The following MUC5AC variants were observed in gnomAD, a reference collection of about 807,000 sequenced individuals.
The protein encoded by MUC5AC is mucin 5AC, oligomeric mucus/gel-forming, also known as mucin-5AC.
A neutral mutation model predicts 169.7 loss-of-function variants in MUC5AC; 158 were observed. The ratio of observed to expected loss-of-function variants is 0.93; its 90% confidence interval spans 0.82 to 1.06. The LOEUF is 1.06. Ranked by LOEUF, MUC5AC falls within the 50% of genes least tolerant of loss-of-function variation. The probability of loss-of-function intolerance (pLI) is 0.00; values close to 1 mark genes in which losing one functional copy is unlikely to be tolerated. For missense variants in MUC5AC, 4,359 were observed against 3,089.9 expected (o/e 1.41, Z -9.74); for synonymous variants, 1,975 against 1,237.0 (o/e 1.60, Z -12.52).
Position 1,200,562 on chromosome 11 carries a change from G to A in MUC5AC, c.16825G>A (p.Val5609Met), listed in dbSNP as rs745636894. The A allele has an allele frequency of 1.8e-5, 14 of 764,556 alleles. No individual in the cohort carries two copies. Among genetic ancestry groups the A allele is most frequent in the South Asian group, 1.6e-4 (12 of 74,578 alleles). 47.4% of individuals were successfully genotyped at this position (764,556 alleles called of 1,614,324 possible). A position where few individuals can be genotyped will look rare whatever the true frequency, so the allele number is the denominator to read the frequency against. ...GSSRAFSYTE[V>M]EECGCMGRRC... The stretch of plus-strand genomic sequence containing the variant: ...CAGCCGGGCCTTCAGCTACACCGAG[G>A]TGGAAGAGTGCGGCTGCATGGGCCG... Residue 5609 changes from valine to methionine, a missense_variant, in exon 49 of 49, where the codon GTG (valine) becomes ATG (methionine). Coordinates refer to ENST00000621226, the MANE Select transcript of MUC5AC (RefSeq NM_001304359.2).
intron 44 of MUC5AC, 36 bp from the exon 45 acceptor site, chr11:1,199,051 G>A (rs778129654): frequency 2.8e-5 from 21 of 762,718 alleles, no homozygotes; most frequent in East Asian, 1.2e-4. Context: ...GGCAGCGGTC[G>A]CCTGGATTCC....
chr11:1,195,158 G>C lies in MUC5AC; in HGVS notation c.15337G>C (p.Gly5113Arg). ...GCCTCACCCGACGCCCACCACGGTCGGGCCCACCACAGTTGGGTCTACCAC... is the reference window on the plus strand; with the variant it reads ...GCCTCACCCGACGCCCACCACGGTCCGGCCCACCACAGTTGGGTCTACCAC... ...HRPHPTPTTV[G>R]PTTVGSTTVG... Residue 5113 changes from glycine to arginine, a missense_variant, in exon 36 of 49, where the codon GGG becomes CGG. Transcript: ENST00000621226. 2.6e-6 allele frequency: 2 copies of C among 761,134 alleles called. No individual in the cohort carries two copies. The highest frequency in any genetic ancestry group is 4.8e-6 in the Non-Finnish European group (2 of 415,972). 47.1% of individuals were successfully genotyped at this position (761,134 alleles called of 1,614,324 possible).
intron 19 of MUC5AC, among the ~76,000 whole-genome samples, chr11:1,175,716 TCACACACCCAC>T (rs1860660694): frequency 5.1e-5 from 3 of 58,732 alleles, no homozygotes; most frequent in Admixed American, 2.0e-4. Flanking sequence ...ATGCACACGC[TCACACACCCAC>T]TCATGCACAC....
In MUC5AC at chr11:1,190,074, A is replaced by G; in HGVS notation, c.11929A>G (p.Lys3977Glu). The G allele has an allele frequency of 1.3e-6, 1 of 764,116 alleles. No homozygotes were observed. The highest frequency in any genetic ancestry group is 2.4e-6 in the Non-Finnish European group (1 of 417,280). 47.3% of individuals were successfully genotyped at this position (764,116 alleles called of 1,614,324 possible). ...ATCCCCTGGACCCCACGGTGGGGAC[A>G]AGGAAACCTACAACAACATCATCAG... is the stretch of plus-strand genomic sequence containing the variant. ...FPSPGPHGGDKETYNNIIRSG... is the reference protein window; with the variant it reads ...FPSPGPHGGDEETYNNIIRSG... Residue 3977 changes from lysine to glutamate, a missense_variant, in exon 31 of 49, where the codon AAG (lysine) becomes GAG (glutamate). Coordinates refer to ENST00000621226, the MANE Select transcript of MUC5AC (RefSeq NM_001304359.2).
Position 1,157,960 on chromosome 11 carries a change from G to C in MUC5AC, c.-40G>C. The C allele has an allele frequency of 6.4e-7, 1 of 1,560,092 alleles. No homozygotes were observed. Among genetic ancestry groups the C allele is most frequent in the African/African-American group, 1.4e-5 (1 of 73,600 alleles). ...TGCCACCTTGGGTCCCTCCTCAGAG[G>C]CTGCTGAGGGACAGGGCACTCTTCC... On this transcript the variant is annotated 5_prime_UTR_variant, in exon 1 of 49. Coordinates refer to ENST00000621226, the MANE Select transcript of MUC5AC (RefSeq NM_001304359.2).
rs566193648 is a variant in MUC5AC, at chr11:1,193,617, G to A, written c.14713G>A (p.Val4905Met). ...TCANGYPAVK[V>M]ADQDGCCHHY... ...TGCCAACGGCTACCCGGCTGTGAAG[G>A]TGGCTGACCAAGATGGCTGCTGCCA... Residue 4905 changes from valine to methionine, a missense_variant, in exon 33 of 49, where the codon GTG (valine) becomes ATG (methionine). By Grantham distance (21) the Val-to-Met change is conservative. Coordinates refer to ENST00000621226, the MANE Select transcript of MUC5AC (RefSeq NM_001304359.2). 7.8e-6 allele frequency: 6 copies of A among 765,028 alleles called. No individual in the cohort carries two copies. Among genetic ancestry groups the A allele is most frequent in the African/African-American group, 1.7e-5 (1 of 59,288 alleles). 47.4% of individuals were successfully genotyped at this position (765,028 alleles called of 1,614,324 possible). A position where few individuals can be genotyped will look rare whatever the true frequency, so the allele number is the denominator to read the frequency against.
chr11:1,198,037 C>T (rs951206279), intron 42 of MUC5AC, 33 bp downstream of exon 42: 7 of 645,016 alleles, frequency 1.1e-5, no homozygotes, highest in South Asian at 1.7e-5. Context: ...TGTCAGGGGC[C>T]GTGGGCTGGG....
intron 1 of MUC5AC, among the ~76,000 whole-genome samples, chr11:1,159,762 G>A (rs539589955): frequency 4.6e-5 from 5 of 109,442 alleles, no homozygotes; most frequent in African/African-American, 1.7e-4. Context: ...CTCTATGCAG[G>A]GCTGTGCGGG....
chr11:1,168,345 G>A lies in MUC5AC; in HGVS notation c.1498-138G>A, dbSNP rs949334514. On this transcript the variant is annotated intron_variant, in intron 12 of 48. Transcript: ENST00000621226. ...TCGCAGAAAATTCAGAAAATCAGGCGAGCACAAGGCCACCTTGTAGGAGCC... is the reference window on the plus strand; with the variant it reads ...TCGCAGAAAATTCAGAAAATCAGGCAAGCACAAGGCCACCTTGTAGGAGCC... 2.7e-5 allele frequency: 21 copies of A among 792,254 alleles called. No individual in the cohort carries two copies. The Admixed American group carries it at 2.8e-4, about 10-fold the overall frequency. The allele number at this position is 792,254 out of a possible 1,614,324, so 49.1% of individuals were successfully genotyped here.
At chr11:1,193,810 G>T (rs886405522) in intron 33 of MUC5AC, among the ~76,000 whole-genome samples, 151 bp downstream of exon 33, 1 of 152,362 alleles carries the variant, frequency 6.6e-6, no homozygotes, top group East Asian at 1.9e-4. Flanking sequence ...AGGCGGGGCC[G>T]CATGGGGCCG....
rs775814452 is a variant in MUC5AC at position 1,158,092 on chromosome 11, C to T, written c.73+20C>T. The stretch of plus-strand genomic sequence containing the variant: ...ATACAGGTACGGCTTGGCCCCTGGC[C>T]GCTCTACTGGTCCTGGGTGGTGCGG... On this transcript the variant is annotated intron_variant, in intron 1 of 48. Transcript: ENST00000621226. 40 of 1,584,130 alleles carry T rather than the reference C, an allele frequency of 2.5e-5. No individual in the cohort carries two copies. The African/African-American group carries it at 4.0e-4, about 16-fold the overall frequency.
In MUC5AC at chr11:1,188,072, G is replaced by A. The variant is rs1860996876; in HGVS notation, c.9927G>A (p.Met3309Ile). The A allele has an allele frequency of 2.7e-6, 2 of 745,214 alleles. No homozygotes were observed. Among genetic ancestry groups the A allele is most frequent in the Non-Finnish European group, 2.5e-6 (1 of 406,958 alleles). 46.2% of individuals were successfully genotyped at this position (745,214 alleles called of 1,614,324 possible). A position where few individuals can be genotyped will look rare whatever the true frequency, so the allele number is the denominator to read the frequency against. ...RNQDQQGPFKMCLNYEVRVLC... is the reference protein window; with the variant it reads ...RNQDQQGPFKICLNYEVRVLC... ...AGGACCAGCAGGGACCCTTCAAGAT[G>A]TGCCTCAACTACGAGGTGCGTGTGC... Residue 3309 changes from methionine to isoleucine, a missense_variant, in exon 31 of 49, where the codon ATG (methionine) becomes ATA (isoleucine). Coordinates refer to ENST00000621226, the MANE Select transcript of MUC5AC (RefSeq NM_001304359.2).
intron 37 of MUC5AC, 44 bp from the exon 38 acceptor site, chr11:1,196,344 G>A (rs768046165): frequency 3.9e-6 from 3 of 762,130 alleles, no homozygotes; most frequent in Non-Finnish European, 7.2e-6. Context: ...TGCTCTGGGT[G>A]GGTGCCCTCC....
intron 5 of MUC5AC, 106 bp from the exon 6 acceptor site, chr11:1,162,849 T>C: frequency 8.5e-7 from 1 of 1,170,544 alleles, no homozygotes; most frequent in South Asian, 1.2e-5. Context: ...CTTTCGGGGG[T>C]GTCTCTTCCG....
chr11:1,196,349 C>T (rs770538874), intron 37 of MUC5AC, 39 bp from the exon 38 acceptor site: 2 of 762,200 alleles, frequency 2.6e-6, no homozygotes, highest in African/African-American at 3.4e-5. Flanking sequence ...TGGGTGGGTG[C>T]CCTCCCACCC....
intron 15 of MUC5AC, 51 bp from the exon 16 acceptor site, chr11:1,172,378 T>G (rs1860570272): frequency 2.5e-6 from 1 of 398,582 alleles, no homozygotes; most frequent in Non-Finnish European, 4.4e-6. Context: ...CTGGGTGGGA[T>G]GAGTGTGCTG....
chr11:1,199,040 G>A (rs55946720), intron 44 of MUC5AC, 44 bp downstream of exon 44: 11,562 of 763,106 alleles, frequency 0.015, 153 homozygotes, highest in Non-Finnish European at 0.017. Flanking sequence ...GGCTCTTGGG[G>A]GGCAGCGGTC....
In MUC5AC at chr11:1,195,295, A is replaced by AAGGG. The variant is rs1455552631; in HGVS notation, c.15458+25_15458+28dup. ...TTCTGAGCAAGTGAGACTTGGGTGC[A>AAGGG]AGGGAGGGAGGGTCAGTGTGGCCGC... On this transcript the variant is annotated intron_variant, in intron 36 of 48. Coordinates refer to ENST00000621226, the MANE Select transcript of MUC5AC (RefSeq NM_001304359.2). 2 of 755,442 alleles carry AAGGG rather than the reference A, an allele frequency of 2.6e-6. No homozygotes were observed. The highest frequency in any genetic ancestry group is 3.4e-5 in the African/African-American group (2 of 58,898). The allele number at this position is 755,442 out of a possible 1,614,324, so 46.8% of individuals were successfully genotyped here. A position where few individuals can be genotyped will look rare whatever the true frequency, so the allele number is the denominator to read the frequency against.
intron 15 of MUC5AC, 63 bp downstream of exon 15, chr11:1,169,089 T>C (rs1343485267): frequency 2.7e-6 from 4 of 1,482,956 alleles, no homozygotes; most frequent in African/African-American, 1.4e-5. Flanking sequence ...CGCTTCCATT[T>C]GGCACTGCAG....
Sources: gnomAD v4.1 joint callset for allele counts (sites outside exome capture counted in the v4.1 genomes callset) on GRCh38, gnomAD v4.1.1 for gene constraint, MANE v1.5 for transcripts, NCBI Gene and HGNC (gene_info 2026-07-23, HGNC 2026-07-21) for gene names.